Variants in EML6 observed in about 807,000 individuals in gnomAD.
EML6 encodes the protein echinoderm microtubule-associated protein-like 6.
EML6 carries 154 observed loss-of-function variants against 240.1 expected under a neutral mutation model. The observed-to-expected ratio is 0.64, with a 90% confidence interval of 0.56 to 0.73. The LOEUF (loss-of-function observed/expected upper bound fraction) is 0.73. EML6 is among the 30% of genes least tolerant of loss of function. The pLI is 0.00. For missense variants in EML6, 2,964 were observed against 2,474.6 expected, an observed-to-expected ratio of 1.20 and a Z score of -4.20; for synonymous variants, 1,148 against 899.0, an observed-to-expected ratio of 1.28 and a Z score of -4.95.
At chr2:54,904,043 A>G (rs1388749031) in intron 24 of EML6, among the ~76,000 whole-genome samples, 1 of 152,200 alleles carries the variant, frequency 6.6e-6, no homozygotes, top group Non-Finnish European at 1.5e-5. Flanking sequence ...TGTCTATTTA[A>G]TAACTCTAGC....
intron 32 of EML6, among the ~76,000 whole-genome samples, chr2:54,954,454 C>G (rs1418590288): frequency 6.6e-6 from 1 of 152,134 alleles, no homozygotes; most frequent in African/African-American, 2.4e-5. Context: ...GCAGCCTCCC[C>G]GACATCTGTC....
chr2:54,889,913 C>T (rs1189690055), intron 17 of EML6, among the ~76,000 whole-genome samples: 1 of 152,166 alleles, frequency 6.6e-6, no homozygotes. Context: ...TGTGTTCTAT[C>T]TTTAAAGAAA....
At chr2:54,736,891 T>C (rs979380397) in intron 2 of EML6, among the ~76,000 whole-genome samples, 8 of 152,162 alleles carry the variant, frequency 5.3e-5, no homozygotes, top group African/African-American at 1.9e-4. Context: ...CCAATGCAAA[T>C]TGAGGGACAT....
At chr2:54,902,788 T>G (rs1673128052) in intron 22 of EML6, among the ~76,000 whole-genome samples, 1 of 152,206 alleles carries the variant, frequency 6.6e-6, no homozygotes, top group Non-Finnish European at 1.5e-5. Flanking sequence ...TGGCCCAGAC[T>G]GGTCTCGAAC....
At chr2:54,836,296 G>A (rs1428400591) in intron 7 of EML6, among the ~76,000 whole-genome samples, 1 of 152,194 alleles carries the variant, frequency 6.6e-6, no homozygotes, top group Non-Finnish European at 1.5e-5. Flanking sequence ...TCCTCCCTGG[G>A]TGGGAGGCCA....
rs1370687345 is a variant in EML6, at chr2:54,971,462, C to T, written c.*1367C>T. ...AACGAAAATTCTAGACCTACAGTTA[C>T]TGGCTACTTGCATTTGTCAGTTTAG... On this transcript the variant is annotated 3_prime_UTR_variant, in exon 42 of 42. Coordinates refer to ENST00000356458, the MANE Select transcript of EML6 (RefSeq NM_001039753.4). 2.0e-5 allele frequency: 3 copies of T among 152,206 alleles called. No individual in the cohort carries two copies. The highest frequency in any genetic ancestry group is 4.4e-5 in the Non-Finnish European group (3 of 68,032). 9.4% of individuals were successfully genotyped at this position (152,206 alleles called of 1,614,324 possible).
At chr2:54,756,766 A>G (rs1436357347) in intron 2 of EML6, among the ~76,000 whole-genome samples, 21 of 151,950 alleles carry the variant, frequency 1.4e-4, no homozygotes. Context: ...GAAATTTAAC[A>G]ATAATGTGGC....
chr2:54,854,537 C>T (rs1368354437), intron 11 of EML6, among the ~76,000 whole-genome samples: 1 of 152,230 alleles, frequency 6.6e-6, no homozygotes, highest in Non-Finnish European at 1.5e-5. Flanking sequence ...TGAGACTCCT[C>T]AACTGTGCCT....
chr2:54,881,676 A>T (rs1298018013), intron 17 of EML6: 5 of 150,520 alleles, frequency 3.3e-5, no homozygotes, highest in Admixed American at 3.3e-4. Context: ...AAAAATTTAA[A>T]CAGGGGCATG....
intron 10 of EML6, among the ~76,000 whole-genome samples, chr2:54,853,354 TG>T (rs1273758855): frequency 6.6e-6 from 1 of 152,178 alleles, no homozygotes; most frequent in Non-Finnish European, 1.5e-5. Context: ...ATGTGTTTAT[TG>T]GGTACATGTG....
At position 54,911,117 on chromosome 2, in the gene EML6, C is replaced by T. The variant is rs561950351; in HGVS notation, c.3498+75C>T. The T allele has an allele frequency of 4.7e-5, 35 of 737,954 alleles. 2 individuals are homozygous for T. Among genetic ancestry groups the T allele is most frequent in the Middle Eastern group, 2.9e-4 (1 of 3,458 alleles). 45.7% of individuals were successfully genotyped at this position (737,954 alleles called of 1,614,324 possible). ...ATGTGCATTTTAATAAAACCTATCA[C>T]GTTAACCACTAATATGGGTTATATT... On this transcript the variant is annotated intron_variant, in intron 25 of 41. Transcript: ENST00000356458.
rs1418097420 is a variant in EML6, at chr2:54,928,677, T to A, written c.3930T>A (p.Ile1310=). 2 of 1,551,840 alleles carry A rather than the reference T, an allele frequency of 1.3e-6. No homozygotes were observed. The highest frequency in any genetic ancestry group is 2.7e-5 in the African/African-American group (2 of 73,018). Residue 1310 remains isoleucine (I), a synonymous_variant, in exon 28 of 42, where the codon ATT becomes ATA. Coordinates refer to ENST00000356458, the MANE Select transcript of EML6 (RefSeq NM_001039753.4). The part of the protein sequence containing the change: ...REKAIDYTTK[I]YAVSIREMEG... Reference sequence around the variant, plus strand: ...AGGCCATTGACTACACCACCAAGATTTATGCTGTGAGCATCAGGGAAATGG... The same window carrying A: ...AGGCCATTGACTACACCACCAAGATATATGCTGTGAGCATCAGGGAAATGG...
intron 22 of EML6, 150 bp downstream of exon 22, chr2:54,899,932 C>A: frequency 1.3e-6 from 1 of 772,178 alleles, no homozygotes; most frequent in Non-Finnish European, 2.0e-6. Flanking sequence ...TTGCTACAGT[C>A]ATAACTAAGC....
At chr2:54,816,918 T>G in intron 4 of EML6, 33 bp downstream of exon 4, 2 of 1,410,734 alleles carry the variant, frequency 1.4e-6, no homozygotes, top group Non-Finnish European at 2.0e-6. Context: ...TATGCAGATT[T>G]CAGAACTTGG....
chr2:54,948,785 A>T, intron 28 of EML6, 97 bp from the exon 29 acceptor site: 1 of 871,996 alleles, frequency 1.1e-6, no homozygotes, highest in Non-Finnish European at 1.8e-6. Context: ...GCGGGAGGAG[A>T]GAGGAGGCCG....
intron 12 of EML6, among the ~76,000 whole-genome samples, chr2:54,860,061 C>A (rs535351497): frequency 1.3e-5 from 2 of 152,250 alleles, no homozygotes; most frequent in Admixed American, 1.3e-4. Flanking sequence ...CTCCTACCCA[C>A]CAGGCAACTG....
intron 16 of EML6, among the ~76,000 whole-genome samples, chr2:54,872,783 C>T (rs1671322041): frequency 6.6e-6 from 1 of 152,208 alleles, no homozygotes; most frequent in Admixed American, 6.5e-5. Context: ...TGTGTCTTTT[C>T]AAGTCCTCCC....
Position 54,871,565 on chromosome 2 carries a change from A to G in EML6, c.2304A>G (p.Lys768=), listed in dbSNP as rs1236903674. ...TQTLKCLSLL[K]GQHQRGVCAL... ...CTCTAAAATGTTTGTCGCTGTTGAAAGGACAACATCAGAGAGGAGTGTGTG... is the reference window on the plus strand; with the variant it reads ...CTCTAAAATGTTTGTCGCTGTTGAAGGGACAACATCAGAGAGGAGTGTGTG... The change falls in exon 16 of 42, where the codon AAA becomes AAG. Residue 768 remains lysine (K), a synonymous_variant. Coordinates refer to ENST00000356458, the MANE Select transcript of EML6 (RefSeq NM_001039753.4). 6.4e-7 allele frequency: 1 copy of G among 1,551,746 alleles called. No individual in the cohort carries two copies. Among genetic ancestry groups the G allele is most frequent in the South Asian group, 1.2e-5 (1 of 84,070 alleles).
At chr2:54,912,539 T>C (rs1182251716) in intron 25 of EML6, among the ~76,000 whole-genome samples, 9 of 152,132 alleles carry the variant, frequency 5.9e-5, no homozygotes, top group Non-Finnish European at 1.2e-4. Flanking sequence ...ACCTAGTAGA[T>C]AGTGTTTCAG....
Sources: allele counts gnomAD v4.1 joint callset (sites outside exome capture counted in the v4.1 genomes callset), GRCh38; gene constraint gnomAD v4.1.1; transcripts MANE v1.5; gene names NCBI Gene and HGNC (gene_info 2026-07-23, HGNC 2026-07-21).